HS6ST3: variants seen among roughly 807,000 people sequenced by gnomAD.
The protein encoded by HS6ST3 is heparan-sulfate 6-O-sulfotransferase 3.
Under a neutral mutation model 36.7 loss-of-function variants are expected in HS6ST3, and 12 were observed. That is an observed-to-expected ratio of 0.33 (90% CI 0.21 to 0.53). The LOEUF (loss-of-function observed/expected upper bound fraction) is 0.53. HS6ST3 is among the 20% of genes least tolerant of loss of function. The probability of loss-of-function intolerance (pLI) is 0.95; values close to 1 mark genes in which losing one functional copy is unlikely to be tolerated. For synonymous variants in HS6ST3, 240 were observed against 257.5 expected, an observed-to-expected ratio of 0.93 and a Z score of 0.65; for missense variants, 584 against 640.9, an observed-to-expected ratio of 0.91 and a Z score of 0.96.
At chr13:96,114,796 C>A (rs541328942) in intron 1 of HS6ST3, among the ~76,000 whole-genome samples, 33 of 152,246 alleles carry the variant, frequency 2.2e-4, no homozygotes, top group African/African-American at 5.5e-4. Flanking sequence ...AACACCATGC[C>A]CCCAGGCCTA....
chr13:96,093,708 G>T (rs928952070), intron 1 of HS6ST3, among the ~76,000 whole-genome samples: 1 of 151,986 alleles, frequency 6.6e-6, no homozygotes, highest in African/African-American at 2.4e-5. Context: ...GGAGGGAATA[G>T]TTGTGGCATA....
At chr13:96,174,193 G>A (rs1878521703) in intron 1 of HS6ST3, among the ~76,000 whole-genome samples, 2 of 152,018 alleles carry the variant, frequency 1.3e-5, no homozygotes, top group South Asian at 2.1e-4. Context: ...ATTACATAAA[G>A]ACTATACAGC....
At chr13:96,651,816 CT>C (rs2056608590) in intron 1 of HS6ST3, among the ~76,000 whole-genome samples, 1 of 152,008 alleles carries the variant, frequency 6.6e-6, no homozygotes, top group South Asian at 2.1e-4. Context: ...ATGTTCTAAC[CT>C]TGGCTCTTTA....
intron 1 of HS6ST3, among the ~76,000 whole-genome samples, chr13:96,744,899 C>G (rs1043244048): frequency 6.6e-6 from 1 of 152,054 alleles, no homozygotes; most frequent in African/African-American, 2.4e-5. Flanking sequence ...TTCTCAAGTC[C>G]AAAGGAACAA....
chr13:96,744,274 A>T (rs1876511525), intron 1 of HS6ST3, among the ~76,000 whole-genome samples: 1 of 152,026 alleles, frequency 6.6e-6, no homozygotes, highest in Admixed American at 6.6e-5. Context: ...GTTTGCATGC[A>T]ATGTTTATTT....
intron 1 of HS6ST3, among the ~76,000 whole-genome samples, chr13:96,208,841 G>T (rs2054384809): frequency 6.6e-6 from 1 of 152,114 alleles, no homozygotes; most frequent in Admixed American, 6.6e-5. Context: ...TTTATTTTGG[G>T]AATAGTTGTT....
intron 1 of HS6ST3, among the ~76,000 whole-genome samples, chr13:96,228,315 T>C (rs908890476): frequency 2.0e-5 from 3 of 152,190 alleles, no homozygotes; most frequent in Non-Finnish European, 2.9e-5. Context: ...CTGGAGTGCA[T>C]TGGCACAATC....
At chr13:96,735,820 A>G (rs1401329887) in intron 1 of HS6ST3, among the ~76,000 whole-genome samples, 1 of 152,216 alleles carries the variant, frequency 6.6e-6, no homozygotes, top group Non-Finnish European at 1.5e-5. Flanking sequence ...AACTCACCGT[A>G]TGCTGTAGAA....
intron 1 of HS6ST3, among the ~76,000 whole-genome samples, chr13:96,295,205 A>G (rs530762452): frequency 6.6e-6 from 1 of 152,142 alleles, no homozygotes; most frequent in South Asian, 2.1e-4. Flanking sequence ...AAATGATTCC[A>G]TTGAAACCTT....
At chr13:96,239,620 ATACT>A (rs1448298320) in intron 1 of HS6ST3, among the ~76,000 whole-genome samples, 1 of 152,244 alleles carries the variant, frequency 6.6e-6, no homozygotes, top group Non-Finnish European at 1.5e-5. Context: ...GAAATTTGAA[ATACT>A]TAATAGTCAA....
intron 1 of HS6ST3, among the ~76,000 whole-genome samples, chr13:96,577,589 G>A (rs546811143): frequency 1.6e-4 from 24 of 152,150 alleles, no homozygotes; most frequent in Middle Eastern, 3.4e-3. Context: ...TTGAGGAATC[G>A]CCTATCCATC....
chr13:96,329,939 G>A (rs1293381958), intron 1 of HS6ST3, among the ~76,000 whole-genome samples: 7 of 149,632 alleles, frequency 4.7e-5, no homozygotes, highest in East Asian at 2.0e-4. Context: ...TTATGTAATG[G>A]CCTTCTTTGT....
At chr13:96,224,556 C>T (rs1438139280) in intron 1 of HS6ST3, among the ~76,000 whole-genome samples, 1 of 152,234 alleles carries the variant, frequency 6.6e-6, no homozygotes, top group Non-Finnish European at 1.5e-5. Flanking sequence ...GCTCAGTGAT[C>T]CTCCTGCCTT....
chr13:96,261,728 G>A (rs2054667427), intron 1 of HS6ST3, among the ~76,000 whole-genome samples: 1 of 152,198 alleles, frequency 6.6e-6, no homozygotes, highest in African/African-American at 2.4e-5. Flanking sequence ...ATTCTCCAAA[G>A]TGTGGCAATT....
At chr13:96,470,317 T>C in intron 1 of HS6ST3, among the ~76,000 whole-genome samples, 1 of 152,118 alleles carries the variant, frequency 6.6e-6, no homozygotes, top group African/African-American at 2.4e-5. Context: ...GCAAAGCATT[T>C]CCCCCTCCCC....
intron 1 of HS6ST3, among the ~76,000 whole-genome samples, chr13:96,706,765 G>C (rs866620631): frequency 6.6e-6 from 1 of 152,052 alleles, no homozygotes; most frequent in Non-Finnish European, 1.5e-5. Context: ...AGCTACAGTA[G>C]AGGAGTGACA....
intron 1 of HS6ST3, among the ~76,000 whole-genome samples, chr13:96,182,375 T>C (rs2054244188): frequency 6.6e-6 from 1 of 152,234 alleles, no homozygotes; most frequent in Non-Finnish European, 1.5e-5. Flanking sequence ...AAGAATCTTT[T>C]ATTCCTAAAA....
At chr13:96,472,663 A>G (rs2055845263) in intron 1 of HS6ST3, among the ~76,000 whole-genome samples, 2 of 152,192 alleles carry the variant, frequency 1.3e-5, no homozygotes, top group South Asian at 4.1e-4. Flanking sequence ...AGGCTATAGC[A>G]ATACCTCAGT....
At chr13:96,738,658 A>G (rs1219227346) in intron 1 of HS6ST3, among the ~76,000 whole-genome samples, 1 of 152,208 alleles carries the variant, frequency 6.6e-6, no homozygotes, top group African/African-American at 2.4e-5. Flanking sequence ...AATGTGACGA[A>G]ATACTGAAAT....
Sources: allele counts gnomAD v4.1 joint callset (sites outside exome capture counted in the v4.1 genomes callset), GRCh38; gene constraint gnomAD v4.1.1; transcripts MANE v1.5; gene names NCBI Gene and HGNC (gene_info 2026-07-23, HGNC 2026-07-21).